Variants in PARD3 observed in about 807,000 individuals in gnomAD.
PARD3 encodes the protein partitioning defective 3 homolog.
In PARD3, 75 loss-of-function variants were observed where a neutral mutation model predicts 155.4. That is an observed-to-expected ratio of 0.48 (90% CI 0.40 to 0.58). PARD3 has a LOEUF of 0.58. PARD3 is among the 20% of genes least tolerant of loss of function. The pLI, the probability that PARD3 is intolerant of heterozygous loss-of-function variation, is 0.00. For missense variants in PARD3, 1,642 were observed against 1,721.7 expected (o/e 0.95, Z 0.82); for synonymous variants, 576 against 610.5 (o/e 0.94, Z 0.83).
chr10:34,498,409 A>G (rs1365597704), intron 3 of PARD3, among the ~76,000 whole-genome samples: 1 of 152,200 alleles, frequency 6.6e-6, no homozygotes, highest in Non-Finnish European at 1.5e-5. Flanking sequence ...CATGAGTTTT[A>G]TACACATCAT....
At chr10:34,599,342 A>G (rs2089571842) in intron 2 of PARD3, among the ~76,000 whole-genome samples, 1 of 152,174 alleles carries the variant, frequency 6.6e-6, no homozygotes, top group African/African-American at 2.4e-5. Flanking sequence ...GGCTCTCTCC[A>G]CCGTCCAAAA....
chr10:34,214,882 G>GA (rs917452455), intron 22 of PARD3, among the ~76,000 whole-genome samples: 1 of 151,894 alleles, frequency 6.6e-6, no homozygotes, highest in African/African-American at 2.4e-5. Context: ...TAGGCCCCTT[G>GA]AAAAAAAATC....
chr10:34,580,194 C>T (rs1402740591), intron 2 of PARD3, among the ~76,000 whole-genome samples: 2 of 152,100 alleles, frequency 1.3e-5, no homozygotes, highest in African/African-American at 2.4e-5. Context: ...AGATTATAAA[C>T]GTGAGCCACT....
intron 21 of PARD3, among the ~76,000 whole-genome samples, chr10:34,274,657 A>C (rs1214016244): frequency 4.6e-5 from 7 of 152,158 alleles, no homozygotes; most frequent in South Asian, 2.1e-4. Context: ...CAACAGACCT[A>C]AGTATAATTA....
At chr10:34,304,480 T>C (rs1957304402) in intron 20 of PARD3, among the ~76,000 whole-genome samples, 1 of 152,190 alleles carries the variant, frequency 6.6e-6, no homozygotes, top group African/African-American at 2.4e-5. Context: ...ATGTGAGTGC[T>C]TTTTTCCATA....
At chr10:34,804,335 C>A (rs986177062) in intron 1 of PARD3, among the ~76,000 whole-genome samples, 2 of 152,214 alleles carry the variant, frequency 1.3e-5, no homozygotes, top group Non-Finnish European at 2.9e-5. Flanking sequence ...CTGCACTTGG[C>A]CAAGATCAAC....
chr10:34,126,857 TA>T (rs1947316818), intron 23 of PARD3, among the ~76,000 whole-genome samples: 1 of 150,428 alleles, frequency 6.6e-6, no homozygotes, highest in African/African-American at 2.4e-5. Flanking sequence ...TTGTGACCCA[TA>T]ATTTAGGAAA....
chr10:34,529,043 C>T (rs1433788101), intron 2 of PARD3, among the ~76,000 whole-genome samples: 4 of 152,074 alleles, frequency 2.6e-5, no homozygotes, highest in African/African-American at 9.7e-5. Context: ...CAAGGACAAA[C>T]AAAAACAAAA....
chr10:34,568,324 T>A lies in PARD3; in HGVS notation c.223-51165A>T, dbSNP rs749429919. 2.6e-5 allele frequency among the ~76,000 whole-genome samples: 4 copies of A among 152,242 alleles called. No individual in the cohort carries two copies. The East Asian group carries it at 7.7e-4, about 29-fold the overall frequency. Reference sequence around the variant, plus strand: ...TTATATTCAACAAGTCATACGGTGATGTTTCCATTATTGGCAAATGAGATA... The same window carrying A: ...TTATATTCAACAAGTCATACGGTGAAGTTTCCATTATTGGCAAATGAGATA... On this transcript the variant is annotated intron_variant, in intron 2 of 24. Transcript: ENST00000374788.
intron 2 of PARD3, among the ~76,000 whole-genome samples, chr10:34,573,764 CACACACACACACACACACACAG>C (rs2086659212): frequency 2.6e-5 from 4 of 151,692 alleles, no homozygotes; most frequent in African/African-American, 9.7e-5. Flanking sequence ...CACACACACA[CACACACACACACACACACACAG>C]AGAATCAGCC....
intron 1 of PARD3, among the ~76,000 whole-genome samples, chr10:34,788,512 C>T (rs1588753428): frequency 1.3e-5 from 2 of 151,174 alleles, no homozygotes; most frequent in South Asian, 2.1e-4. Context: ...TGCAGTGGCA[C>T]GATCGCGGCT....
chr10:34,120,004 A>ATTTTTTTTTTTTTTTTTTTT lies in PARD3; in HGVS notation c.3541-284_3541-265dup, dbSNP rs1185067110. The stretch of plus-strand genomic sequence containing the variant: ...AGATCAAACTTTCTAGTCTTCTTTA[A>ATTTTTTTTTTTTTTTTTTTT]TTTTTTTTTTTTTTTTTTTTTTTTT... On this transcript the variant is annotated intron_variant, in intron 23 of 24. Coordinates refer to ENST00000374788, the MANE Select transcript of PARD3 (RefSeq NM_001184785.2). Among the ~76,000 whole-genome samples the ATTTTTTTTTTTTTTTTTTTT allele has an allele frequency of 2.3e-4, 17 of 73,824 alleles. 3 individuals are homozygous for ATTTTTTTTTTTTTTTTTTTT. The highest frequency in any genetic ancestry group is 8.2e-4 in the African/African-American group (14 of 17,054). 48.4% of individuals were successfully genotyped at this position (73,824 alleles called of 152,430 possible). A position where few individuals can be genotyped will look rare whatever the true frequency, so the allele number is the denominator to read the frequency against.
intron 1 of PARD3, among the ~76,000 whole-genome samples, chr10:34,809,349 G>A (rs1357076008): frequency 2.6e-5 from 4 of 152,116 alleles, no homozygotes; most frequent in Admixed American, 2.6e-4. Context: ...TTCACCCGGA[G>A]GGAGGAAGGG....
chr10:34,292,063 T>C (rs759268342), intron 20 of PARD3, among the ~76,000 whole-genome samples: 1 of 152,158 alleles, frequency 6.6e-6, no homozygotes, highest in African/African-American at 2.4e-5. Flanking sequence ...CCTGCCAACC[T>C]TTCTAAATGC....
At chr10:34,229,556 T>C (rs1952804283) in intron 22 of PARD3, among the ~76,000 whole-genome samples, 2 of 152,028 alleles carry the variant, frequency 1.3e-5, no homozygotes, top group African/African-American at 4.8e-5. Flanking sequence ...CCAACTCTTC[T>C]TTTTAAATAC....
At chr10:34,402,850 A>C (rs540292267) in intron 5 of PARD3, among the ~76,000 whole-genome samples, 1 of 152,318 alleles carries the variant, frequency 6.6e-6, no homozygotes, top group East Asian at 1.9e-4. Flanking sequence ...CACAAAAATA[A>C]ATGAAAAGCC....
chr10:34,177,772 C>T (rs989777018), intron 22 of PARD3, among the ~76,000 whole-genome samples: 8 of 152,186 alleles, frequency 5.3e-5, no homozygotes, highest in Admixed American at 1.3e-4. Context: ...CTGGTGCCTG[C>T]GAACCGCTCA....
At chr10:34,545,573 G>C (rs1349363765) in intron 2 of PARD3, among the ~76,000 whole-genome samples, 1 of 151,812 alleles carries the variant, frequency 6.6e-6, no homozygotes, top group Non-Finnish European at 1.5e-5. Flanking sequence ...TCCTTTTTTT[G>C]AGATGGAGTC....
At chr10:34,471,199 T>C (rs1179530737) in intron 3 of PARD3, among the ~76,000 whole-genome samples, 1 of 152,212 alleles carries the variant, frequency 6.6e-6, no homozygotes, top group Non-Finnish European at 1.5e-5. Context: ...TACTCACATA[T>C]ACAATTACAC....
Sources: allele counts gnomAD v4.1 joint callset (sites outside exome capture counted in the v4.1 genomes callset), GRCh38; gene constraint gnomAD v4.1.1; transcripts MANE v1.5; gene names NCBI Gene and HGNC (gene_info 2026-07-23, HGNC 2026-07-21).